Variants in ZNF621 observed in about 807,000 individuals in gnomAD.
ZNF621 encodes zinc finger protein 621.
A neutral mutation model predicts 12.7 loss-of-function variants in ZNF621; 6 were observed. That is an observed-to-expected ratio of 0.47 (90% CI 0.26 to 0.93). The LOEUF (loss-of-function observed/expected upper bound fraction) is 0.93. Ranked by LOEUF, ZNF621 falls within the 40% of genes least tolerant of loss-of-function variation. ZNF621 has a pLI of 0.15. For missense variants in ZNF621, 474 were observed against 524.0 expected, an observed-to-expected ratio of 0.90 and a Z score of 0.93; for synonymous variants, 156 against 190.3, an observed-to-expected ratio of 0.82 and a Z score of 1.48.
Position 40,535,908 on chromosome 3 carries a change from AAAATTCC to A in ZNF621, c.*2820_*2826del, listed in dbSNP as rs1366904085. 1 of 152,160 alleles carries A rather than the reference AAAATTCC, an allele frequency of 6.6e-6. No individual in the cohort carries two copies. Among genetic ancestry groups the A allele is most frequent in the Non-Finnish European group, 1.5e-5 (1 of 68,042 alleles). 9.4% of individuals were successfully genotyped at this position (152,160 alleles called of 1,614,324 possible). A position where few individuals can be genotyped will look rare whatever the true frequency, so the allele number is the denominator to read the frequency against. ...CAATTCATAAATTAAAAACAATATA[AAAATTCC>A]AGAGGGGTGTGTGTATAGAGAGGCA... On this transcript the variant is annotated 3_prime_UTR_variant, in exon 5 of 5. Coordinates refer to ENST00000339296, the MANE Select transcript of ZNF621 (RefSeq NM_198484.5).
chr3:40,526,877 C>T lies in ZNF621; in HGVS notation c.24+1013C>T, dbSNP rs147888938. Among the ~76,000 whole-genome samples, 58 of 152,278 alleles carry T rather than the reference C, an allele frequency of 3.8e-4. No individual in the cohort carries two copies. The Middle Eastern group carries it at 0.01, about 27-fold the overall frequency. On this transcript the variant is annotated intron_variant, in intron 2 of 4. Transcript: ENST00000339296. Reference sequence around the variant, plus strand: ...CCTTTTATTTTTTTTGTTTTTGAGACGGAGTTTCGCCTTTGTTGTCCAGGC... The same window carrying T: ...CCTTTTATTTTTTTTGTTTTTGAGATGGAGTTTCGCCTTTGTTGTCCAGGC...
chr3:40,530,170 CG>C, intron 3 of ZNF621, 38 bp from the exon 4 acceptor site: 1 of 1,545,582 alleles, frequency 6.5e-7, no homozygotes, highest in Admixed American at 1.7e-5. Flanking sequence ...TAGCTCTGGA[CG>C]TCTCCCCTCA....
At chr3:40,525,908 T>G (rs776044972) in intron 2 of ZNF621, 44 bp downstream of exon 2, 2 of 1,608,818 alleles carry the variant, frequency 1.2e-6, no homozygotes, top group Admixed American at 3.4e-5. Flanking sequence ...TTGTTTATGT[T>G]TTTTTACTCA....
In ZNF621 at chr3:40,532,599, C is replaced by G; in HGVS notation, c.829C>G (p.Leu277Val). 2 of 1,613,468 alleles carry G rather than the reference C, an allele frequency of 1.2e-6. No homozygotes were observed. Among genetic ancestry groups the G allele is most frequent in the Non-Finnish European group, 1.7e-6 (2 of 1,179,866 alleles). The stretch of plus-strand genomic sequence containing the variant: ...TTGGAAAGCTTTCGGTTGTAGGTCA[C>G]TTTTTATTGTCCATCAGAGAATTCA... ...ECWKAFGCRS[L>V]FIVHQRIHTG... The change falls in exon 5 of 5, where the codon CTT becomes GTT. Residue 277 changes from leucine to valine, a missense_variant. Physicochemically the swap from Leu to Val is conservative, Grantham distance 32. Transcript: ENST00000339296.
intron 3 of ZNF621, 94 bp downstream of exon 3, chr3:40,529,539 G>A (rs1430976195): frequency 6.3e-7 from 1 of 1,594,050 alleles, no homozygotes; most frequent in East Asian, 2.3e-5. Flanking sequence ...TGACTTCAGA[G>A]GAGAGTTTTG....
chr3:40,527,327 A>AT (rs1698608849), intron 2 of ZNF621, among the ~76,000 whole-genome samples: 1 of 146,554 alleles, frequency 6.8e-6, no homozygotes, highest in East Asian at 2.1e-4. Context: ...AGTGTTGTCC[A>AT]TTTTTAAATT....
chr3:40,531,329 C>A (rs1410425866), intron 4 of ZNF621, among the ~76,000 whole-genome samples: 1 of 152,116 alleles, frequency 6.6e-6, no homozygotes, highest in Non-Finnish European at 1.5e-5. Context: ...ATTCCTTTCT[C>A]CTCTTCTGGG....
chr3:40,527,917 C>T (rs1021805286), intron 2 of ZNF621, among the ~76,000 whole-genome samples: 4 of 152,194 alleles, frequency 2.6e-5, no homozygotes, highest in African/African-American at 9.7e-5. Context: ...CCATTTATCT[C>T]CTGCCACCAC....
rs1698874316 is a variant in ZNF621, at chr3:40,536,761, ACTGAAGGTT to A, written c.*3672_*3680del. ...CTTGCGGATATTGCATTTTTTACAAACTGAAGGTTTGTGGCAGGCCTGTGTTGAGCAAGA... is the reference window on the plus strand; with the variant it reads ...CTTGCGGATATTGCATTTTTTACAAATGTGGCAGGCCTGTGTTGAGCAAGA... On this transcript the variant is annotated 3_prime_UTR_variant, in exon 5 of 5. Transcript: ENST00000339296. 1 of 152,120 alleles carries A rather than the reference ACTGAAGGTT, an allele frequency of 6.6e-6. No individual in the cohort carries two copies. The highest frequency in any genetic ancestry group is 2.4e-5 in the African/African-American group (1 of 41,418). The allele number at this position is 152,120 out of a possible 1,614,324, so 9.4% of individuals were successfully genotyped here. A position where few individuals can be genotyped will look rare whatever the true frequency, so the allele number is the denominator to read the frequency against.
upstream of ZNF621, among the ~76,000 whole-genome samples, chr3:40,523,237 C>T (rs1215375152): frequency 1.3e-5 from 2 of 152,020 alleles, no homozygotes; most frequent in African/African-American, 2.4e-5. Flanking sequence ...GCAGTAGATA[C>T]CTAAGATACT....
Position 40,529,431 on chromosome 3 carries a change from A to G in ZNF621, c.137A>G (p.Asn46Ser), listed in dbSNP as rs1262909233. Residue 46 changes from asparagine (N) to serine (S), a missense_variant, in exon 3 of 5, where the codon AAT (asparagine) becomes AGT (serine). Asn to Ser is a conservative substitution (Grantham distance 46, BLOSUM62 1). Coordinates refer to ENST00000339296, the MANE Select transcript of ZNF621 (RefSeq NM_198484.5). Reference protein sequence around the residue: ...YGEVMLENYANVASLVAFPFP... With the variant: ...YGEVMLENYASVASLVAFPFP... ...GAGGTGATGCTGGAGAATTATGCAA[A>G]TGTGGCTTCTCTGGGTAAGGCCTCC... 1.9e-6 allele frequency: 3 copies of G among 1,613,198 alleles called. No homozygotes were observed. In the East Asian group the frequency reaches 6.7e-5, roughly 36 times the overall value.
rs1317564317 is a variant in ZNF621, at chr3:40,538,143, G to A, written c.*5053G>A. The A allele has an allele frequency of 7.8e-6, 2 of 255,332 alleles. No individual in the cohort carries two copies. Among genetic ancestry groups the A allele is most frequent in the African/African-American group, 4.7e-5 (2 of 42,448 alleles). 15.8% of individuals were successfully genotyped at this position (255,332 alleles called of 1,614,324 possible). On this transcript the variant is annotated 3_prime_UTR_variant, in exon 5 of 5. Coordinates refer to ENST00000339296, the MANE Select transcript of ZNF621 (RefSeq NM_198484.5). ...CTCTAGAAATGGAAGATCAAAGCCT[G>A]GATGACAGCACATCTGTTTACAGCA... is the stretch of plus-strand genomic sequence containing the variant.
At chr3:40,528,834 T>G (rs2125673444) in intron 2 of ZNF621, among the ~76,000 whole-genome samples, 1 of 152,350 alleles carries the variant, frequency 6.6e-6, no homozygotes, top group East Asian at 1.9e-4. Flanking sequence ...TGCCTGTTTC[T>G]TAATTGGCTT....
upstream of ZNF621, among the ~76,000 whole-genome samples, chr3:40,523,840 C>T (rs553139693): frequency 6.6e-6 from 1 of 150,694 alleles, no homozygotes; most frequent in East Asian, 2.0e-4. Context: ...CACTTTGATA[C>T]TGGAGAAAGG....
chr3:40,538,104 C>G lies in ZNF621; in HGVS notation c.*5014C>G, dbSNP rs1698913316. Among the ~76,000 whole-genome samples, 1 of 152,230 alleles carries G rather than the reference C, an allele frequency of 6.6e-6. No individual in the cohort carries two copies. Among genetic ancestry groups the G allele is most frequent in the Non-Finnish European group, 1.5e-5 (1 of 68,040 alleles). ...AGGGCCCATAAGAATTATGCTAAAT[C>G]CACTCTGCCTGTGCTCTAGAAATGG... is the stretch of plus-strand genomic sequence containing the variant. On this transcript the variant is annotated 3_prime_UTR_variant, in exon 5 of 5. Transcript: ENST00000339296.
chr3:40,529,960 G>A (rs1459576371), intron 3 of ZNF621, among the ~76,000 whole-genome samples: 3 of 152,126 alleles, frequency 2.0e-5, no homozygotes, highest in Non-Finnish European at 4.4e-5. Flanking sequence ...GGGAGCAGTA[G>A]GTACATTTTT....
rs796522089 is a variant in ZNF621, at chr3:40,538,509, CA to C, written c.*5433del. On this transcript the variant is annotated 3_prime_UTR_variant, in exon 5 of 5. Transcript: ENST00000339296. ...CCTGGGTAACAGAGTGAGACTGTCT[CA>C]AAAAAAAAAAAAATTTAGTTCCAAA... The C allele has an allele frequency of 7.4e-3, 1,013 of 137,784 alleles. 4 individuals carry two copies. Among genetic ancestry groups the C allele is most frequent in the African/African-American group, 0.014 (545 of 38,060 alleles). 8.5% of individuals were successfully genotyped at this position (137,784 alleles called of 1,614,324 possible).
chr3:40,533,298 G>A lies in ZNF621; in HGVS notation c.*208G>A, dbSNP rs560820795. The A allele has an allele frequency of 1.3e-5, 10 of 772,518 alleles. No individual in the cohort carries two copies. The highest frequency in any genetic ancestry group is 8.7e-5 in the African/African-American group (5 of 57,282). 47.9% of individuals were successfully genotyped at this position (772,518 alleles called of 1,614,324 possible). ...TGGGATTACAGGCACGCCTCACCAC[G>A]CCCAGCTAATTTCTGTATTTTTAGA... is the stretch of plus-strand genomic sequence containing the variant. On this transcript the variant is annotated 3_prime_UTR_variant, in exon 5 of 5. Transcript: ENST00000339296.
chr3:40,530,393 G>T (rs1698696658), intron 4 of ZNF621, 77 bp downstream of exon 4: 5 of 1,169,452 alleles, frequency 4.3e-6, no homozygotes, highest in African/African-American at 1.5e-5. Flanking sequence ...TTCTTATGCT[G>T]CAGGGTACAA....
Sources: gnomAD v4.1 joint callset for allele counts (sites outside exome capture counted in the v4.1 genomes callset) on GRCh38, gnomAD v4.1.1 for gene constraint, MANE v1.5 for transcripts, NCBI Gene and HGNC (gene_info 2026-07-23, HGNC 2026-07-21) for gene names.